STK3: variants seen among roughly 807,000 people sequenced by gnomAD.
The protein encoded by STK3 is serine/threonine-protein kinase 3.
A neutral mutation model predicts 58.0 loss-of-function variants in STK3; 41 were observed. The observed-to-expected ratio is 0.71, with a 90% CI of 0.55 to 0.92. STK3 has a LOEUF of 0.92. Ranked by LOEUF, STK3 falls within the 40% of genes least tolerant of loss-of-function variation. STK3 has a pLI of 0.00. For missense variants in STK3, 479 were observed against 602.7 expected (o/e 0.79, Z 2.15); for synonymous variants, 170 against 191.0 (o/e 0.89, Z 0.91).
At chr8:98,517,909 T>C (rs184809757) in intron 10 of STK3, among the ~76,000 whole-genome samples, 52 of 152,244 alleles carry the variant, frequency 3.4e-4, no homozygotes, top group African/African-American at 1.1e-3. Flanking sequence ...AATTGGGTTA[T>C]GAATAGAAAG....
At chr8:98,917,634 G>A (rs1839392487) in intron 1 of STK3, among the ~76,000 whole-genome samples, 1 of 152,154 alleles carries the variant, frequency 6.6e-6, no homozygotes, top group South Asian at 2.1e-4. Context: ...GGATCTGGCA[G>A]CTCCTTCATC....
At chr8:98,911,803 A>G (rs1261669510) in intron 1 of STK3, among the ~76,000 whole-genome samples, 8 of 152,100 alleles carry the variant, frequency 5.3e-5, no homozygotes, top group Non-Finnish European at 8.8e-5. Flanking sequence ...CTAATTGTAC[A>G]TAATGGGAAT....
At chr8:98,645,350 T>C (rs1820321909) in intron 6 of STK3, among the ~76,000 whole-genome samples, 1 of 152,174 alleles carries the variant, frequency 6.6e-6, no homozygotes, top group Admixed American at 6.5e-5. Context: ...TCAGAATGTC[T>C]AGCAAAAATA....
chr8:98,662,884 T>C (rs1014738866), intron 6 of STK3, among the ~76,000 whole-genome samples: 13 of 152,000 alleles, frequency 8.6e-5, no homozygotes, highest in Non-Finnish European at 1.6e-4. Flanking sequence ...TAATTCAAGA[T>C]GGATTAAAGA....
chr8:98,408,038 C>T (rs543048286), intron 3 of STK3, among the ~76,000 whole-genome samples: 8 of 152,302 alleles, frequency 5.3e-5, no homozygotes, highest in African/African-American at 1.2e-4. Context: ...CTTGATGAGA[C>T]GCACTTGATG....
At chr8:98,494,503 A>G (rs1387197943) in intron 10 of STK3, among the ~76,000 whole-genome samples, 3 of 151,958 alleles carry the variant, frequency 2.0e-5, no homozygotes, top group Non-Finnish European at 4.4e-5. Context: ...ATTAAAATAG[A>G]CATTGGCTGG....
intron 6 of STK3, among the ~76,000 whole-genome samples, chr8:98,658,707 C>A (rs1285979170): frequency 1.3e-5 from 2 of 151,904 alleles, no homozygotes; most frequent in Admixed American, 6.6e-5. Flanking sequence ...CAAGAGGATT[C>A]TTAAATAACT....
intron 1 of STK3, 80 bp downstream of exon 1, chr8:98,825,435 A>G: frequency 2.3e-6 from 3 of 1,304,696 alleles, no homozygotes; most frequent in Non-Finnish European, 3.0e-6. Flanking sequence ...AGAGGCTCGC[A>G]GCAGGGCCTG....
At chr8:98,714,039 A>T (rs1429936580) in intron 4 of STK3, among the ~76,000 whole-genome samples, 1 of 152,224 alleles carries the variant, frequency 6.6e-6, no homozygotes, top group East Asian at 1.9e-4. Flanking sequence ...CCACATGATT[A>T]TCTCAATAGA....
intron 6 of STK3, among the ~76,000 whole-genome samples, chr8:98,617,290 A>T (rs1364920607): frequency 4.2e-5 from 6 of 143,060 alleles, no homozygotes; most frequent in African/African-American, 7.9e-5. Context: ...ACATACCAGA[A>T]TCTCTGGGAC....
intron 10 of STK3, among the ~76,000 whole-genome samples, chr8:98,520,811 A>G (rs1373595325): frequency 6.6e-6 from 1 of 152,072 alleles, no homozygotes; most frequent in Non-Finnish European, 1.5e-5. Flanking sequence ...GAGGGAATGA[A>G]TAAGACCAGA....
At chr8:98,852,014 A>T (rs1162266028) in intron 3 of STK3, among the ~76,000 whole-genome samples, 1 of 152,172 alleles carries the variant, frequency 6.6e-6, no homozygotes. Context: ...AATGAAAAAG[A>T]AAAAGAAAGA....
intron 1 of STK3, among the ~76,000 whole-genome samples, chr8:98,445,204 C>A (rs1638839629): frequency 6.6e-6 from 1 of 152,140 alleles, no homozygotes; most frequent in Non-Finnish European, 1.5e-5. Flanking sequence ...ATCCTGTCCC[C>A]ATTATTTTAT....
intron 8 of STK3, among the ~76,000 whole-genome samples, chr8:98,554,366 A>T (rs955684950): frequency 6.6e-6 from 1 of 152,132 alleles, no homozygotes; most frequent in Non-Finnish European, 1.5e-5. Context: ...TCCTTGTGAG[A>T]TTCAATGCTG....
chr8:98,716,041 A>T (rs1826982380), intron 4 of STK3, among the ~76,000 whole-genome samples: 1 of 152,152 alleles, frequency 6.6e-6, no homozygotes, highest in African/African-American at 2.4e-5. Context: ...GACAAAAAAA[A>T]ACAAACACCG....
chr8:98,774,443 A>G (rs926179428), intron 2 of STK3, among the ~76,000 whole-genome samples: 2 of 152,212 alleles, frequency 1.3e-5, no homozygotes, highest in African/African-American at 4.8e-5. Context: ...CAAAACCTTC[A>G]AACGTATTAA....
intron 6 of STK3, among the ~76,000 whole-genome samples, chr8:98,617,890 A>AGGAACTAGTACCATTCCTTCT (rs1314329210): frequency 2.0e-4 from 30 of 152,130 alleles, no homozygotes; most frequent in Admixed American, 2.0e-3. Context: ...AGGTACAAGG[A>AGGAACTAGTACCATTCCTTCT]GGAACTAGTA....
chr8:98,822,753 G>A (rs1834987110), intron 1 of STK3, among the ~76,000 whole-genome samples: 1 of 152,214 alleles, frequency 6.6e-6, no homozygotes, highest in African/African-American at 2.4e-5. Flanking sequence ...CGGGGGCCAG[G>A]CACGGTGGTT....
intron 6 of STK3, among the ~76,000 whole-genome samples, chr8:98,701,478 GC>G (rs1825611110): frequency 6.6e-6 from 1 of 151,970 alleles, no homozygotes; most frequent in African/African-American, 2.4e-5. Flanking sequence ...AATTAGCTTG[GC>G]ATGGTGGTGC....
Sources: gnomAD v4.1 joint callset for allele counts (sites outside exome capture counted in the v4.1 genomes callset) on GRCh38, gnomAD v4.1.1 for gene constraint, MANE v1.5 for transcripts, NCBI Gene and HGNC (gene_info 2026-07-23, HGNC 2026-07-21) for gene names.